The following BCORL1 variants were observed in gnomAD, a reference collection of about 807,000 sequenced individuals.
BCORL1 encodes the protein BCL-6 corepressor-like protein 1.
In BCORL1, 7 loss-of-function variants were observed where a neutral mutation model predicts 87.6. That is an observed-to-expected ratio of 0.08 (90% CI 0.05 to 0.15). The LOEUF is 0.15. Ranked by LOEUF, BCORL1 falls within the 10% of genes least tolerant of loss-of-function variation. BCORL1 has a pLI of 1.00. For synonymous variants in BCORL1, 591 were observed against 634.4 expected (o/e 0.93, Z 1.03); for missense variants, 1,215 against 1,499.7 (o/e 0.81, Z 3.13).
chrX:130,011,398 T>C (rs763405160), intron 2 of BCORL1, among the ~76,000 whole-genome samples: 2 of 110,745 alleles, frequency 1.8e-5, no homozygotes, highest in East Asian at 5.7e-4. Flanking sequence ...CCATCACGCC[T>C]GGCTAATTTT....
chrX:130,026,392 G>A (rs773685904), intron 7 of BCORL1, among the ~76,000 whole-genome samples: 29 of 112,489 alleles, frequency 2.6e-4, no homozygotes, highest in African/African-American at 8.1e-4. Context: ...CCATCTCTAC[G>A]CTCAAGAGAG....
chrX:130,054,088 C>T (rs765318135), intron 13 of BCORL1, among the ~76,000 whole-genome samples: 19 of 111,897 alleles, frequency 1.7e-4, no homozygotes, highest in Non-Finnish European at 3.2e-4. Context: ...CCCTGGGGAC[C>T]TTCAAAGAAT....
chrX:130,023,286 C>T (rs1370366754), intron 6 of BCORL1, among the ~76,000 whole-genome samples: 1 of 112,016 alleles, frequency 8.9e-6, no homozygotes, highest in East Asian at 2.8e-4. Context: ...TGGTTCAACT[C>T]CAAGCTTTGG....
At chrX:129,985,705 T>C (rs1256333269) in intron 1 of BCORL1, among the ~76,000 whole-genome samples, 1 of 111,160 alleles carries the variant, frequency 9.0e-6, no homozygotes, top group East Asian at 2.8e-4. Flanking sequence ...TAGGCGGACA[T>C]CTTTTGACAG....
At chrX:130,000,195 G>A (rs1927937168) in intron 1 of BCORL1, among the ~76,000 whole-genome samples, 1 of 109,893 alleles carries the variant, frequency 9.1e-6, no homozygotes, top group Non-Finnish European at 1.9e-5. Flanking sequence ...ACAGGCACCC[G>A]CCACCATGCC....
intron 2 of BCORL1, among the ~76,000 whole-genome samples, chrX:130,005,596 G>A (rs961566990): frequency 1.8e-5 from 2 of 109,755 alleles, no homozygotes; most frequent in African/African-American, 6.8e-5. Context: ...GTGGAGTAAG[G>A]GGAAGCTCAG....
intron 8 of BCORL1, among the ~76,000 whole-genome samples, chrX:130,033,451 G>T (rs1930749722): frequency 8.9e-6 from 1 of 112,341 alleles, no homozygotes; most frequent in Non-Finnish European, 1.9e-5. Flanking sequence ...TTATCTCAAA[G>T]ACCCTGCAAG....
chrX:129,989,322 T>A (rs1926877791), intron 1 of BCORL1, among the ~76,000 whole-genome samples: 1 of 100,798 alleles, frequency 9.9e-6, no homozygotes, highest in East Asian at 3.1e-4. Context: ...TTTTTTTTTT[T>A]TTTTTAGTAG....
At chrX:129,997,433 C>G (rs1927646001) in intron 1 of BCORL1, among the ~76,000 whole-genome samples, 1 of 111,073 alleles carries the variant, frequency 9.0e-6, no homozygotes, top group South Asian at 3.8e-4. Context: ...TTAAAGATCT[C>G]TGCTTCATTA....
At chrX:129,995,154 CA>C (rs1927464893) in intron 1 of BCORL1, among the ~76,000 whole-genome samples, 1 of 110,248 alleles carries the variant, frequency 9.1e-6, no homozygotes, top group Non-Finnish European at 1.9e-5. Context: ...TACAGGTGCC[CA>C]CCACTAGGCC....
At position 130,014,536 on chromosome X, in the gene BCORL1, G is replaced by A; in HGVS notation, c.1764G>A (p.Glu588=). The A allele has an allele frequency of 1.7e-6, 2 of 1,211,674 alleles. No individual in the cohort carries two copies. Among genetic ancestry groups the A allele is most frequent in the Non-Finnish European group, 2.2e-6 (2 of 895,523 alleles). Residue 588 remains glutamate (E), a synonymous_variant, in exon 4 of 14, where the codon GAG becomes GAA. Coordinates refer to ENST00000540052, the MANE Select transcript of BCORL1 (RefSeq NM_001379451.1). ...PHPAKMPSGT[E]QQTEGTSVTF... is the part of the protein sequence containing the mutation. ...CCGCCAAGATGCCCAGTGGCACCGAGCAGCAAACAGAAGGGACTTCCGTTA... is the reference window on the plus strand; with the variant it reads ...CCGCCAAGATGCCCAGTGGCACCGAACAGCAAACAGAAGGGACTTCCGTTA...
chrX:130,056,435 G>A lies in BCORL1; in HGVS notation c.*299G>A. The A allele has an allele frequency of 4.1e-6, 1 of 244,553 alleles. No homozygotes were observed. The highest frequency in any genetic ancestry group is 7.3e-5 in the East Asian group (1 of 13,664). 20.2% of individuals were successfully genotyped at this position (244,553 alleles called of 1,213,427 possible). A position where few individuals can be genotyped will look rare whatever the true frequency, so the allele number is the denominator to read the frequency against. ...GTGGGAGGTGGCGCCGGGGTCCCTT[G>A]GACTGGCCTCCTTGTTCATGACCAA... On this transcript the variant is annotated 3_prime_UTR_variant, in exon 14 of 14. Coordinates refer to ENST00000540052, the MANE Select transcript of BCORL1 (RefSeq NM_001379451.1).
chrX:129,986,610 G>C (rs1416125736), intron 1 of BCORL1, among the ~76,000 whole-genome samples: 1 of 111,615 alleles, frequency 9.0e-6, no homozygotes, highest in Non-Finnish European at 1.9e-5. Flanking sequence ...CTTGAGGTCA[G>C]GAGTTCAAGA....
At chrX:130,004,982 A>G (rs184805323) in intron 1 of BCORL1, among the ~76,000 whole-genome samples, 283 of 112,603 alleles carry the variant, frequency 2.5e-3, no homozygotes, top group African/African-American at 7.8e-3. Context: ...GTGATTAACA[A>G]TGTCCTCATC....
chrX:130,040,756 G>A (rs764390744), intron 11 of BCORL1, among the ~76,000 whole-genome samples: 1 of 112,213 alleles, frequency 8.9e-6, no homozygotes, highest in African/African-American at 3.2e-5. Flanking sequence ...TGCCTCCCAC[G>A]TACTGTGTAC....
At chrX:130,002,518 T>C (rs750654936) in intron 1 of BCORL1, among the ~76,000 whole-genome samples, 2 of 75,517 alleles carry the variant, frequency 2.6e-5, no homozygotes, top group Admixed American at 2.1e-4. Flanking sequence ...AGAGGGAGAC[T>C]GAAGGCCAAA....
At chrX:130,044,539 C>A (rs1416087140) in intron 11 of BCORL1, among the ~76,000 whole-genome samples, 1 of 109,183 alleles carries the variant, frequency 9.2e-6, no homozygotes, top group African/African-American at 3.3e-5. Context: ...GATGGAGTCT[C>A]GATCTTGTCG....
chrX:130,009,255 G>A (rs980684697), intron 2 of BCORL1, among the ~76,000 whole-genome samples: 2 of 110,630 alleles, frequency 1.8e-5, no homozygotes, highest in Non-Finnish European at 3.8e-5. Context: ...ACCTGAGGTC[G>A]GGAGTTCGAG....
chrX:130,043,203 A>C (rs1405015203), intron 11 of BCORL1, among the ~76,000 whole-genome samples: 1 of 108,927 alleles, frequency 9.2e-6, no homozygotes, highest in African/African-American at 3.3e-5. Flanking sequence ...GGCTAATTTT[A>C]TATTTTTAAT....
Sources: allele counts gnomAD v4.1 joint callset (sites outside exome capture counted in the v4.1 genomes callset), GRCh38; gene constraint gnomAD v4.1.1; transcripts MANE v1.5; gene names NCBI Gene and HGNC (gene_info 2026-07-23, HGNC 2026-07-21).